The following DEFB110 variants were observed in gnomAD, a reference collection of about 807,000 sequenced individuals.
The protein encoded by DEFB110 is defensin beta 110.
A neutral mutation model predicts 2.5 loss-of-function variants in DEFB110; 4 were observed. The ratio of observed to expected loss-of-function variants is 1.60; its 90% CI spans 0.79 to 3.66. The LOEUF (loss-of-function observed/expected upper bound fraction) is 3.66, where lower values mean the gene tolerates loss of function less well. DEFB110 is among the 30% of genes most tolerant of loss of function. The probability of loss-of-function intolerance (pLI) is 0.01; values close to 1 mark genes in which losing one functional copy is unlikely to be tolerated. For synonymous variants in DEFB110, 29 were observed against 21.8 expected, an observed-to-expected ratio of 1.33 and a Z score of -0.92; for missense variants, 94 against 75.4, an observed-to-expected ratio of 1.25 and a Z score of -0.91.
chr6:50,009,317 T>C, intron 1 of DEFB110: 1 of 1,541,874 alleles, frequency 6.5e-7, no homozygotes, highest in South Asian at 1.3e-5. Flanking sequence ...ATTATTGATT[T>C]GTGGGTTTTC....
downstream of DEFB110, among the ~76,000 whole-genome samples, chr6:50,017,487 T>G (rs1450794874): frequency 6.6e-6 from 1 of 151,918 alleles, no homozygotes; most frequent in Non-Finnish European, 1.5e-5. Context: ...TGGGAGAAAG[T>G]GTGCTATTCG....
chr6:50,019,048 G>T lies in DEFB110; in HGVS notation c.133C>A (p.Gln45Lys). ...ATCCTAATTTCATTTTCATGACACT[G>T]ATTTTTACATTGACCATTACCTATT... ...CRIGNGQCKNQCHENEIRIAY... is the reference protein window; with the variant it reads ...CRIGNGQCKNKCHENEIRIAY... Residue 45 changes from glutamine to lysine, a missense_variant, in exon 2 of 2, where the codon CAG (glutamine) becomes AAG (lysine). Transcript: ENST00000371148. 6.2e-7 allele frequency: 1 copy of T among 1,613,106 alleles called. No individual in the cohort carries two copies. The highest frequency in any genetic ancestry group is 8.5e-7 in the Non-Finnish European group (1 of 1,179,404).
Position 50,018,893 on chromosome 6 carries a change from C to T in DEFB110, c.*84G>A. On this transcript the variant is annotated 3_prime_UTR_variant, in exon 2 of 2. Transcript: ENST00000371148. ...TTAGTTCTTGTGTATTATAGAGACA[C>T]ACACGCCTTGAAGGATGTGCTGGGA... 1 of 1,497,928 alleles carries T rather than the reference C, an allele frequency of 6.7e-7. No homozygotes were observed. The highest frequency in any genetic ancestry group is 8.9e-7 in the Non-Finnish European group (1 of 1,129,172). The allele number at this position is 1,497,928 out of a possible 1,614,324, so 92.8% of individuals were successfully genotyped here.
At chr6:50,018,040 G>A (rs138667220), downstream of DEFB110, among the ~76,000 whole-genome samples, 1 of 151,824 alleles carries the variant, frequency 6.6e-6, no homozygotes, top group Admixed American at 6.6e-5. Flanking sequence ...AATTAATATG[G>A]ATTGTTAAAT....
At chr6:50,020,780 T>A (rs918416921) in intron 1 of DEFB110, among the ~76,000 whole-genome samples, 2 of 152,222 alleles carry the variant, frequency 1.3e-5, no homozygotes, top group Non-Finnish European at 2.9e-5. Flanking sequence ...AACAAAAGCA[T>A]AGAAGAGCAT....
intron 1 of DEFB110, among the ~76,000 whole-genome samples, chr6:50,011,614 A>G (rs910485884): frequency 1.3e-5 from 2 of 151,950 alleles, no homozygotes; most frequent in Non-Finnish European, 2.9e-5. Context: ...CCATGACTCA[A>G]TGTTAGTTTT....
chr6:50,018,331 CTT>C (rs1442204727), downstream of DEFB110, among the ~76,000 whole-genome samples: 1 of 151,956 alleles, frequency 6.6e-6, no homozygotes, highest in Non-Finnish European at 1.5e-5. Context: ...ATTTTCTCCT[CTT>C]CTTTCTGAAA....
intron 1 of DEFB110, among the ~76,000 whole-genome samples, chr6:50,019,654 CAT>C (rs1330984530): frequency 6.6e-6 from 1 of 151,882 alleles, no homozygotes; most frequent in African/African-American, 2.4e-5. Flanking sequence ...CTAACTCAGA[CAT>C]GTGTCTAATA....
At chr6:50,013,547 T>C (rs531523734) in intron 1 of DEFB110, among the ~76,000 whole-genome samples, 1 of 151,962 alleles carries the variant, frequency 6.6e-6, no homozygotes, top group Non-Finnish European at 1.5e-5. Flanking sequence ...TTCAATTTTT[T>C]TTCTCTTTTA....
chr6:50,012,710 T>C (rs1398366582), intron 1 of DEFB110, among the ~76,000 whole-genome samples: 2 of 151,976 alleles, frequency 1.3e-5, no homozygotes, highest in East Asian at 1.9e-4. Context: ...TTACATATTT[T>C]TCTCTACTTT....
chr6:50,009,332 TA>T, intron 1 of DEFB110: 1 of 1,503,946 alleles, frequency 6.6e-7, no homozygotes, highest in Non-Finnish European at 8.8e-7. Context: ...GTTTTCTTGC[TA>T]AAGAAAGACA....
At chr6:50,016,731 A>G (rs1582366952), downstream of DEFB110, among the ~76,000 whole-genome samples, 2 of 151,812 alleles carry the variant, frequency 1.3e-5, no homozygotes, top group Non-Finnish European at 2.9e-5. Flanking sequence ...CAGGAAAAAA[A>G]AAATATTAAT....
At chr6:50,016,265 C>T (rs1774314387), downstream of DEFB110, among the ~76,000 whole-genome samples, 1 of 151,720 alleles carries the variant, frequency 6.6e-6, no homozygotes, top group African/African-American at 2.4e-5. Flanking sequence ...TTAATTGATT[C>T]ATATGGGTAT....
exon 2 of DEFB110, chr6:50,009,250 T>G (rs904993079): frequency 6.2e-7 from 1 of 1,601,112 alleles, no homozygotes; most frequent in Non-Finnish European, 8.5e-7. Context: ...AAATCTATAC[T>G]TTGGTTCAAA....
Position 50,021,930 on chromosome 6 carries a change from C to G in DEFB110, c.6G>C (p.Lys2Asn), listed in dbSNP as rs199571974. MKIQLFFFILHF... is the reference protein window; with the variant it reads MNIQLFFFILHF... Reference sequence around the variant, plus strand: ...GCAGAATAAAGAAAAAAAGTTGAATCTTCATGGTAGAGAGTTTCTTAAAAA... The same window carrying G: ...GCAGAATAAAGAAAAAAAGTTGAATGTTCATGGTAGAGAGTTTCTTAAAAA... The change falls in exon 1 of 2, where the codon AAG (lysine) becomes AAC (asparagine). Residue 2 changes from lysine (K) to asparagine (N), a missense_variant. Coordinates refer to ENST00000371148, the MANE Select transcript of DEFB110 (RefSeq NM_001037497.2). 6.4e-7 allele frequency: 1 copy of G among 1,557,694 alleles called. No homozygotes were observed. Among genetic ancestry groups the G allele is most frequent in the East Asian group, 2.4e-5 (1 of 41,564 alleles).
downstream of DEFB110, chr6:50,018,735 A>C: frequency 1.3e-5 from 14 of 1,052,978 alleles, no homozygotes; most frequent in Non-Finnish European, 1.5e-5. Flanking sequence ...AAGCACTGAA[A>C]ACTTGAGGAA....
downstream of DEFB110, among the ~76,000 whole-genome samples, chr6:50,017,031 T>C (rs899102812): frequency 5.9e-5 from 9 of 151,818 alleles, no homozygotes; most frequent in Non-Finnish European, 1.2e-4. Flanking sequence ...ATATTAATAG[T>C]ATATTAGGCC....
intron 1 of DEFB110, among the ~76,000 whole-genome samples, chr6:50,011,574 G>A (rs539074694): frequency 4.5e-4 from 69 of 152,166 alleles, no homozygotes; most frequent in African/African-American, 1.5e-3. Flanking sequence ...AAATCTGTTC[G>A]AAAGCTAGAG....
At chr6:50,009,318 G>A (rs745950353) in intron 1 of DEFB110, 4 of 1,538,358 alleles carry the variant, frequency 2.6e-6, no homozygotes, top group Non-Finnish European at 3.5e-6. Context: ...TTATTGATTT[G>A]TGGGTTTTCT....
Sources: gnomAD v4.1 joint callset for allele counts (sites outside exome capture counted in the v4.1 genomes callset) on GRCh38, gnomAD v4.1.1 for gene constraint, MANE v1.5 for transcripts, NCBI Gene and HGNC (gene_info 2026-07-23, HGNC 2026-07-21) for gene names.